The following CELF1 variants were observed in gnomAD, a reference collection of about 807,000 sequenced individuals.
CELF1 encodes 50 kDa nuclear polyadenylated RNA-binding protein.
CELF1 carries 10 observed loss-of-function variants against 61.8 expected under a neutral mutation model. The ratio of observed to expected loss-of-function variants is 0.16; its 90% CI spans 0.10 to 0.27. The LOEUF (loss-of-function observed/expected upper bound fraction) is 0.27. Among genes scored for constraint, CELF1 ranks in the 10% least tolerant of loss-of-function variants. CELF1 has a pLI of 1.00. For synonymous variants in CELF1, 236 were observed against 225.1 expected (o/e 1.05, Z -0.43); for missense variants, 380 against 639.1 (o/e 0.59, Z 4.37).
intron 1 of CELF1, among the ~76,000 whole-genome samples, chr11:47,520,610 C>T: frequency 6.6e-6 from 1 of 151,584 alleles, no homozygotes; most frequent in East Asian, 2.0e-4. Flanking sequence ...GAGTTCAAGA[C>T]CAGCCTGGGC....
intron 3 of CELF1, among the ~76,000 whole-genome samples, chr11:47,495,486 T>A (rs2092911269): frequency 6.6e-6 from 1 of 152,152 alleles, no homozygotes; most frequent in Non-Finnish European, 1.5e-5. Context: ...GTGGAAATGG[T>A]TACACAACTC....
At chr11:47,480,738 T>C (rs77028738) in intron 9 of CELF1, among the ~76,000 whole-genome samples, 1 of 152,188 alleles carries the variant, frequency 6.6e-6, no homozygotes, top group South Asian at 2.1e-4. Flanking sequence ...GAAACAATTT[T>C]TTCTGTTGAA....
At chr11:47,528,033 T>C (rs755004006) in intron 1 of CELF1, among the ~76,000 whole-genome samples, 2 of 151,842 alleles carry the variant, frequency 1.3e-5, no homozygotes, top group Admixed American at 6.6e-5. Flanking sequence ...GAGGCGGAGG[T>C]TGCAGTGAGC....
At chr11:47,524,226 C>G (rs771893214) in intron 1 of CELF1, among the ~76,000 whole-genome samples, 1 of 151,474 alleles carries the variant, frequency 6.6e-6, no homozygotes, top group Non-Finnish European at 1.5e-5. Context: ...AATTTTATGT[C>G]AAAAAATTTG....
chr11:47,550,737 C>T (rs947781197), intron 1 of CELF1, among the ~76,000 whole-genome samples: 1 of 151,762 alleles, frequency 6.6e-6, no homozygotes, highest in African/African-American at 2.4e-5. Flanking sequence ...GAAAAATACA[C>T]GGAAGTCTTT....
chr11:47,498,930 G>A (rs1343224177), intron 3 of CELF1, among the ~76,000 whole-genome samples: 8 of 151,870 alleles, frequency 5.3e-5, no homozygotes, highest in East Asian at 3.9e-4. Context: ...AATTAGACTC[G>A]GCGGGGGTGG....
At chr11:47,521,490 A>G (rs1179151211) in intron 1 of CELF1, among the ~76,000 whole-genome samples, 1 of 152,220 alleles carries the variant, frequency 6.6e-6, no homozygotes, top group East Asian at 1.9e-4. Context: ...TTCTAATCCC[A>G]GTTTTGCTGC....
chr11:47,488,155 A>C (rs1375124078), intron 4 of CELF1, among the ~76,000 whole-genome samples: 1 of 152,222 alleles, frequency 6.6e-6, no homozygotes, highest in Admixed American at 6.5e-5. Flanking sequence ...CAGCTTTCAC[A>C]GAAAATTATT....
chr11:47,479,022 C>T (rs890947500), intron 9 of CELF1, 70 bp from the exon 10 acceptor site: 40 of 1,305,428 alleles, frequency 3.1e-5, no homozygotes, highest in Middle Eastern at 1.8e-4. Context: ...GATAACTCTA[C>T]AGCACAGCAA....
rs748164889 is a variant in CELF1 at position 47,482,824 on chromosome 11, A to G, written c.639T>C (p.Ala213=). 8 of 1,614,010 alleles carry G rather than the reference A, an allele frequency of 5.0e-6. No homozygotes were observed. Among genetic ancestry groups the G allele is most frequent in the African/African-American group, 1.3e-5 (1 of 74,918 alleles). ...GCSSPMVVKF[A]DTQKDKEQKR... is the part of the protein sequence containing the mutation. Reference sequence around the variant, plus strand: ...TCTGTTCTTTGTCCTTCTGTGTATCAGCAAATTTTACCACCATGGGTGATG... The same window carrying G: ...TCTGTTCTTTGTCCTTCTGTGTATCGGCAAATTTTACCACCATGGGTGATG... The change falls in exon 9 of 15, where the codon GCT becomes GCC. Residue 213 remains alanine (A), a synonymous_variant. Transcript: ENST00000687097.
chr11:47,522,216 AT>A (rs1405216994), intron 1 of CELF1, among the ~76,000 whole-genome samples: 1 of 150,418 alleles, frequency 6.6e-6, no homozygotes, highest in African/African-American at 2.4e-5. Context: ...CCCAGCTGAA[AT>A]TTTTTTTATC....
intron 1 of CELF1, among the ~76,000 whole-genome samples, chr11:47,546,253 T>TGGG (rs1223226167): frequency 4.2e-5 from 1 of 23,560 alleles, no homozygotes; most frequent in Non-Finnish European, 9.3e-5. Flanking sequence ...TTTTTTTTTT[T>TGGG]GGGCGGGGGC....
chr11:47,498,921 A>G (rs1406177051), intron 3 of CELF1, among the ~76,000 whole-genome samples: 4 of 151,072 alleles, frequency 2.6e-5, no homozygotes, highest in African/African-American at 7.3e-5. Flanking sequence ...TGTATTTTCA[A>G]TTAGACTCGG....
intron 1 of CELF1, among the ~76,000 whole-genome samples, chr11:47,541,924 C>A (rs1407660016): frequency 6.6e-6 from 1 of 151,856 alleles, no homozygotes; most frequent in African/African-American, 2.4e-5. Context: ...TTTGCATAAT[C>A]CCCAAACTAA....
At chr11:47,541,820 A>G (rs1015838338) in intron 1 of CELF1, among the ~76,000 whole-genome samples, 3 of 148,988 alleles carry the variant, frequency 2.0e-5, no homozygotes, top group Non-Finnish European at 3.0e-5. Context: ...GAAAGAAAGA[A>G]AGAAAGAAAG....
At chr11:47,473,366 A>C in intron 13 of CELF1, 135 bp from the exon 14 acceptor site, 1 of 797,024 alleles carries the variant, frequency 1.3e-6, no homozygotes, top group Non-Finnish European at 1.9e-6. Flanking sequence ...GGAACTAAAC[A>C]GATTCTCTAA....
At chr11:47,484,596 G>A (rs2153450422) in intron 6 of CELF1, 73 bp from the exon 7 acceptor site, 4 of 1,348,536 alleles carry the variant, frequency 3.0e-6, no homozygotes, top group Non-Finnish European at 4.1e-6. Flanking sequence ...TTGGGAGCCA[G>A]ACCGCCTGGG....
intron 14 of CELF1, among the ~76,000 whole-genome samples, 165 bp from the exon 15 acceptor site, chr11:47,472,522 T>C (rs1170956583): frequency 6.6e-6 from 1 of 152,198 alleles, no homozygotes; most frequent in East Asian, 1.9e-4. Context: ...AGGTTCTTAA[T>C]AGTACCACTT....
chr11:47,486,867 A>G (rs1342763400), intron 5 of CELF1, 69 bp from the exon 6 acceptor site: 1 of 1,161,544 alleles, frequency 8.6e-7, no homozygotes, highest in Non-Finnish European at 1.3e-6. Context: ...TATGGACTCT[A>G]AAATACCAGA....
Sources: gnomAD v4.1 joint callset for allele counts (sites outside exome capture counted in the v4.1 genomes callset) on GRCh38, gnomAD v4.1.1 for gene constraint, MANE v1.5 for transcripts, NCBI Gene and HGNC (gene_info 2026-07-23, HGNC 2026-07-21) for gene names.